Variants in NAAA observed in about 807,000 individuals in gnomAD.
NAAA encodes the protein N-acylethanolamine acid amidase.
Under a neutral mutation model 44.8 loss-of-function variants are expected in NAAA, and 39 were observed. The observed-to-expected ratio is 0.87, with a 90% CI of 0.67 to 1.14. NAAA has a LOEUF of 1.14. Among genes scored for constraint, NAAA ranks in the 50% most tolerant of loss-of-function variants. The pLI is 0.00. For synonymous variants in NAAA, 178 were observed against 191.3 expected (o/e 0.93, Z 0.58); for missense variants, 460 against 467.8 (o/e 0.98, Z 0.15).
intron 5 of NAAA, among the ~76,000 whole-genome samples, chr4:75,924,179 A>G (rs1454477220): frequency 6.6e-6 from 1 of 152,200 alleles, no homozygotes; most frequent in East Asian, 1.9e-4. Context: ...TGGCCCTGAG[A>G]CAACAAATCT....
chr4:75,925,639 G>A (rs867551560), intron 5 of NAAA, 96 bp downstream of exon 5: 1 of 1,137,990 alleles, frequency 8.8e-7, no homozygotes, highest in South Asian at 1.3e-5. Context: ...TTCTTTTAAG[G>A]AGCTCCTTAC....
chr4:75,922,765 A>T (rs1726292484), intron 5 of NAAA, among the ~76,000 whole-genome samples: 1 of 152,220 alleles, frequency 6.6e-6, no homozygotes, highest in Admixed American at 6.5e-5. Flanking sequence ...GAGGGCAAAG[A>T]AGAAATTTTC....
At chr4:75,921,183 G>T in intron 5 of NAAA, 60 bp from the exon 6 acceptor site, 1 of 1,466,222 alleles carries the variant, frequency 6.8e-7, no homozygotes, top group Non-Finnish European at 9.2e-7. Flanking sequence ...CACACCAGAT[G>T]ATGCAAAAAT....
chr4:75,914,502 T>C (rs1372977035), intron 10 of NAAA, among the ~76,000 whole-genome samples, 164 bp from the exon 11 acceptor site: 2 of 151,658 alleles, frequency 1.3e-5, no homozygotes, highest in Non-Finnish European at 2.9e-5. Context: ...AGCTCCTGAG[T>C]AGTCGGGATT....
intron 4 of NAAA, among the ~76,000 whole-genome samples, chr4:75,927,893 T>G (rs1335470450): frequency 6.6e-6 from 1 of 152,186 alleles, no homozygotes. Flanking sequence ...TCATTAATCA[T>G]TAAGAGAAAT....
Position 75,918,895 on chromosome 4 carries a change from C to A in NAAA, c.970-106G>T, listed in dbSNP as rs190669661. ...CAGTGGCTCAGGCCTGTAATCCCAG[C>A]ACTTTGGGAAGCCGACGTGGGAGGA... On this transcript the variant is annotated intron_variant, in intron 8 of 10. Coordinates refer to ENST00000286733, the MANE Select transcript of NAAA (RefSeq NM_014435.4). 6.1e-3 allele frequency: 6,784 copies of A among 1,120,378 alleles called. 33 individuals carry two copies. Among genetic ancestry groups the A allele is most frequent in the Non-Finnish European group, 7.7e-3 (5,791 of 752,212 alleles). 69.4% of individuals were successfully genotyped at this position (1,120,378 alleles called of 1,614,324 possible). A position where few individuals can be genotyped will look rare whatever the true frequency, so the allele number is the denominator to read the frequency against.
rs548844076 is a variant in NAAA, at chr4:75,940,853, C to G, written c.97G>C (p.Ala33Pro). 7.6e-6 allele frequency: 12 copies of G among 1,584,204 alleles called. No homozygotes were observed. In the Admixed American group the frequency reaches 1.0e-4, roughly 13 times the overall value. ...TCCAGGCTCACGTTGAAGCGCGGCG[C>G]TGCTGGGGGCGAGGCGGCTGACAGC... ...AGLSAASPPAAPRFNVSLDSV... is the reference protein window; with the variant it reads ...AGLSAASPPAPPRFNVSLDSV... The change falls in exon 1 of 11, where the codon GCG becomes CCG. Residue 33 changes from alanine to proline, a missense_variant. By Grantham distance (27) the Ala-to-Pro change is conservative (BLOSUM62 -1). Transcript: ENST00000286733.
chr4:75,921,417 A>G (rs990732868), intron 5 of NAAA, among the ~76,000 whole-genome samples: 2 of 152,066 alleles, frequency 1.3e-5, no homozygotes, highest in African/African-American at 4.8e-5. Context: ...CGCCCTCACA[A>G]AGGACTTTTT....
At position 75,920,728 on chromosome 4, in the gene NAAA, A is replaced by G. The variant is rs751576534; in HGVS notation, c.902+10T>C. On this transcript the variant is annotated intron_variant, in intron 7 of 10. Coordinates refer to ENST00000286733, the MANE Select transcript of NAAA (RefSeq NM_014435.4). ...AAACACTGCAAACCAGAAAGCACGTAGCAGCCTACCTCCGGTCATCTTCCT... is the reference window on the plus strand; with the variant it reads ...AAACACTGCAAACCAGAAAGCACGTGGCAGCCTACCTCCGGTCATCTTCCT... The G allele has an allele frequency of 6.2e-7, 1 of 1,614,232 alleles. No individual in the cohort carries two copies. Among genetic ancestry groups the G allele is most frequent in the South Asian group, 1.1e-5 (1 of 91,086 alleles).
At chr4:75,918,347 T>A (rs1473040469) in intron 9 of NAAA, among the ~76,000 whole-genome samples, 1 of 151,798 alleles carries the variant, frequency 6.6e-6, no homozygotes, top group African/African-American at 2.4e-5. Context: ...CCCAGCCACT[T>A]GGGAGGCTGA....
At chr4:75,926,434 A>G (rs1032168578) in intron 4 of NAAA, among the ~76,000 whole-genome samples, 1 of 151,586 alleles carries the variant, frequency 6.6e-6, no homozygotes. Flanking sequence ...GGTGGCGGGC[A>G]CCTGTAATCC....
chr4:75,926,670 T>G (rs959715671), intron 4 of NAAA, among the ~76,000 whole-genome samples: 3 of 151,110 alleles, frequency 2.0e-5, no homozygotes, highest in Non-Finnish European at 4.4e-5. Flanking sequence ...TTCAGAGAAC[T>G]CCTAAAACTC....
Position 75,925,687 on chromosome 4 carries a change from A to T in NAAA, c.666+48T>A, listed in dbSNP as rs1480454414. 3 of 1,546,908 alleles carry T rather than the reference A, an allele frequency of 1.9e-6. No homozygotes were observed. The Admixed American group carries it at 5.0e-5, about 26-fold the overall frequency. On this transcript the variant is annotated intron_variant, in intron 5 of 10. Transcript: ENST00000286733. ...ATTGTTAAATGACACAGAACAGTTT[A>T]GAAGGTGGAGGTGGAGTTAAGGAGG...
rs746288094 is a variant in NAAA, at chr4:75,919,979, T to C, written c.903-4A>G. 1.2e-6 allele frequency: 2 copies of C among 1,613,556 alleles called. No individual in the cohort carries two copies. Among genetic ancestry groups the C allele is most frequent in the African/African-American group, 2.7e-5 (2 of 74,900 alleles). ...AAGGGCCTTGATGGCAGATGTTCTG[T>C]AAGGACAAAGGTCGAAGGTCACTTG... On this transcript the variant is annotated splice_region_variant and splice_polypyrimidine_tract_variant and intron_variant, in intron 7 of 10. Coordinates refer to ENST00000286733, the MANE Select transcript of NAAA (RefSeq NM_014435.4).
intron 4 of NAAA, among the ~76,000 whole-genome samples, chr4:75,929,320 C>G (rs1727026075): frequency 6.6e-6 from 1 of 152,148 alleles, no homozygotes; most frequent in African/African-American, 2.4e-5. Context: ...CTGGCACCCC[C>G]CATAATGTCC....
At chr4:75,935,684 C>CA (rs1190757219) in intron 3 of NAAA, 1 of 182,092 alleles carries the variant, frequency 5.5e-6, no homozygotes, top group African/African-American at 2.4e-5. Flanking sequence ...TTCTCAGGTT[C>CA]ACAAAGGAAG....
downstream of NAAA, among the ~76,000 whole-genome samples, chr4:75,911,867 T>G (rs1029403387): frequency 9.9e-5 from 15 of 152,176 alleles, no homozygotes; most frequent in Non-Finnish European, 1.8e-4. Context: ...TTTACAAAGG[T>G]GGCTTTACTC....
chr4:75,933,993 G>A (rs966951684), intron 3 of NAAA, among the ~76,000 whole-genome samples: 9 of 151,512 alleles, frequency 5.9e-5, no homozygotes, highest in Admixed American at 5.3e-4. Flanking sequence ...TCGCGCCACT[G>A]CACTCCAGCC....
Position 75,926,027 on chromosome 4 carries a change from C to T in NAAA, c.590-216G>A, listed in dbSNP as rs374090909. Among the ~76,000 whole-genome samples the T allele has an allele frequency of 9.2e-5, 14 of 152,164 alleles. 1 individual carries two copies. In the East Asian group the frequency reaches 1.5e-3, roughly 17 times the overall value. ...ATTATGTAGCCATCAAGGGAAGTGT[C>T]TTAATAAATATTAGGAAGAACATAG... On this transcript the variant is annotated intron_variant, in intron 4 of 10. Transcript: ENST00000286733.
Sources: gnomAD v4.1 joint callset for allele counts (sites outside exome capture counted in the v4.1 genomes callset) on GRCh38, gnomAD v4.1.1 for gene constraint, MANE v1.5 for transcripts, NCBI Gene and HGNC (gene_info 2026-07-23, HGNC 2026-07-21) for gene names.